MYCBP2: variants seen among roughly 807,000 people sequenced by gnomAD.
MYCBP2 encodes the protein E3 ubiquitin-protein ligase MYCBP2.
Under a neutral mutation model 525.3 loss-of-function variants are expected in MYCBP2, and 120 were observed. The ratio of observed to expected loss-of-function variants is 0.23; its 90% CI spans 0.20 to 0.27. The LOEUF is 0.27. Among genes scored for constraint, MYCBP2 ranks in the 10% least tolerant of loss-of-function variants. The probability of loss-of-function intolerance (pLI) is 1.00; values close to 1 mark genes in which losing one functional copy is unlikely to be tolerated. For missense variants in MYCBP2, 4,149 were observed against 5,657.1 expected, an observed-to-expected ratio of 0.73 and a Z score of 8.55; for synonymous variants, 1,894 against 1,955.8, an observed-to-expected ratio of 0.97 and a Z score of 0.83.
chr13:77,147,214 T>C (rs2055735128), intron 47 of MYCBP2, among the ~76,000 whole-genome samples: 1 of 152,046 alleles, frequency 6.6e-6, no homozygotes, highest in Admixed American at 6.6e-5. Context: ...CCTAAAAATA[T>C]ATACAGGAAT....
intron 3 of MYCBP2, among the ~76,000 whole-genome samples, chr13:77,280,301 A>G (rs1448409792): frequency 2.6e-5 from 4 of 152,224 alleles, no homozygotes; most frequent in Non-Finnish European, 5.9e-5. Context: ...TAGAGTTTCA[A>G]TTGATTAAAC....
chr13:77,300,144 G>A (rs912577213), intron 1 of MYCBP2, among the ~76,000 whole-genome samples: 8 of 152,118 alleles, frequency 5.3e-5, no homozygotes, highest in Admixed American at 2.6e-4. Context: ...CCTCTAAAAT[G>A]CTAAGATTTT....
intron 33 of MYCBP2, among the ~76,000 whole-genome samples, chr13:77,181,288 A>G (rs1402903236): frequency 6.6e-6 from 1 of 152,154 alleles, no homozygotes; most frequent in Non-Finnish European, 1.5e-5. Context: ...ATTTTAATAT[A>G]CCAAAGTGTT....
chr13:77,301,834 C>A (rs2078845336), intron 1 of MYCBP2, among the ~76,000 whole-genome samples: 1 of 151,956 alleles, frequency 6.6e-6, no homozygotes, highest in South Asian at 2.1e-4. Flanking sequence ...ATGCAATTGG[C>A]AATTTTCAAC....
rs2078216425 is a variant in MYCBP2 at position 77,296,628 on chromosome 13, T to C, written c.349A>G (p.Ser117Gly). 1 of 1,553,132 alleles carries C rather than the reference T, an allele frequency of 6.4e-7. No individual in the cohort carries two copies. Among genetic ancestry groups the C allele is most frequent in the African/African-American group, 1.4e-5 (1 of 72,386 alleles). The change falls in exon 2 of 83, where the codon AGC becomes GGC. Residue 117 changes from serine (S) to glycine (G), a missense_variant. Physicochemically the swap from Ser to Gly is moderately conservative, Grantham distance 56 (BLOSUM62 0). This residue lies in a region of MYCBP2 where 413 missense variants were observed against 451.2 expected (regional missense o/e 0.92). Transcript: ENST00000544440. The part of the protein sequence containing the change: ...NKKKLKRKQK[S>G]KSKVKTRSKS... The stretch of plus-strand genomic sequence containing the variant: ...CTTCTTGTCTTCACTTTTGATTTGC[T>C]CTTCTGTTTTCTTTTCAATTTCTTC...
At chr13:77,324,155 A>C (rs1342398409) in intron 1 of MYCBP2, among the ~76,000 whole-genome samples, 1 of 152,212 alleles carries the variant, frequency 6.6e-6, no homozygotes, top group African/African-American at 2.4e-5. Context: ...AAAAGTTATC[A>C]ATGACCTGAA....
chr13:77,117,372 GTT>G (rs2049962279), intron 55 of MYCBP2, among the ~76,000 whole-genome samples: 1 of 151,920 alleles, frequency 6.6e-6, no homozygotes, highest in South Asian at 2.1e-4. Context: ...ACCCAGAAAA[GTT>G]TATACTCTTG....
chr13:77,191,960 G>T, intron 27 of MYCBP2, 147 bp from the exon 28 acceptor site: 1 of 739,638 alleles, frequency 1.4e-6, no homozygotes, highest in Non-Finnish European at 2.2e-6. Context: ...ACTCTAAGAA[G>T]TCTGGACAAG....
chr13:77,229,334 T>C (rs1461844098), intron 18 of MYCBP2, among the ~76,000 whole-genome samples: 3 of 152,188 alleles, frequency 2.0e-5, no homozygotes, highest in Admixed American at 6.5e-5. Context: ...TCTTTGTCCA[T>C]CTTACAGATG....
At chr13:77,220,600 T>C (rs1285618750) in intron 20 of MYCBP2, among the ~76,000 whole-genome samples, 3 of 152,180 alleles carry the variant, frequency 2.0e-5, no homozygotes, top group East Asian at 1.9e-4. Flanking sequence ...AGCTCTTGAT[T>C]ACTAGAGACT....
chr13:77,225,583 A>T (rs766857906), intron 18 of MYCBP2, 29 bp from the exon 19 acceptor site: 8 of 1,610,560 alleles, frequency 5.0e-6, no homozygotes, highest in Non-Finnish European at 6.8e-6. Flanking sequence ...GTGAATTATG[A>T]TTAAGCCATT....
At position 77,165,380 on chromosome 13, in the gene MYCBP2, G is replaced by C. The variant is rs1224913569; in HGVS notation, c.6352C>G (p.Leu2118Val). Residue 2118 changes from leucine to valine, a missense_variant, in exon 42 of 83, where the codon CTT (leucine) becomes GTT (valine). Leu to Val is a conservative substitution (Grantham distance 32). Coordinates refer to ENST00000544440, the MANE Select transcript of MYCBP2 (RefSeq NM_015057.5). Reference protein sequence around the residue: ...MVLVLPGNEALFSLETASDYV... With the variant: ...MVLVLPGNEAVFSLETASDYV... ...TCTGATGCAGTCTCCAATGAAAAAAGGGCCTCATTTCCTAATAAAAATGCC... is the reference window on the plus strand; with the variant it reads ...TCTGATGCAGTCTCCAATGAAAAAACGGCCTCATTTCCTAATAAAAATGCC... 6.3e-7 allele frequency: 1 copy of C among 1,593,966 alleles called. No individual in the cohort carries two copies. The highest frequency in any genetic ancestry group is 1.8e-5 in the Admixed American group (1 of 54,698).
chr13:77,065,887 G>A (rs2040119549), intron 72 of MYCBP2, 105 bp downstream of exon 72: 2 of 679,198 alleles, frequency 2.9e-6, no homozygotes, highest in Admixed American at 2.6e-5. Flanking sequence ...TAGTCTTTAA[G>A]TAAAGTTACA....
At chr13:77,270,690 C>A in intron 5 of MYCBP2, 152 bp from the exon 6 acceptor site, 1 of 817,714 alleles carries the variant, frequency 1.2e-6, no homozygotes. Flanking sequence ...ACTAAAAGTT[C>A]ATCTATAAGA....
chr13:77,100,039 A>C (rs966336601), intron 55 of MYCBP2: 1 of 152,104 alleles, frequency 6.6e-6, no homozygotes, highest in Non-Finnish European at 1.5e-5. Context: ...GTTAGTTGTT[A>C]GGAGAAAAGC....
chr13:77,261,296 A>G lies in MYCBP2; in HGVS notation c.1727T>C (p.Ile576Thr), dbSNP rs1232382345. The change falls in exon 12 of 83, where the codon ATT becomes ACT. Residue 576 changes from isoleucine to threonine, a missense_variant. Ile to Thr is a moderately conservative substitution (Grantham distance 89, BLOSUM62 -1). Coordinates refer to ENST00000544440, the MANE Select transcript of MYCBP2 (RefSeq NM_015057.5). ...PSAGKWVELPITKSPKIVHFS... is the reference protein window; with the variant it reads ...PSAGKWVELPTTKSPKIVHFS... Reference sequence around the variant, plus strand: ...GTGTACTATCTTTGGAGATTTTGTAATTGGTAGCTCAACCCATTTTCCTGC... The same window carrying G: ...GTGTACTATCTTTGGAGATTTTGTAGTTGGTAGCTCAACCCATTTTCCTGC... The G allele has an allele frequency of 3.7e-6, 6 of 1,613,444 alleles. No homozygotes were observed. The highest frequency in any genetic ancestry group is 5.1e-6 in the Non-Finnish European group (6 of 1,179,726).
intron 1 of MYCBP2, among the ~76,000 whole-genome samples, chr13:77,304,977 T>C (rs1365947694): frequency 6.6e-6 from 1 of 151,906 alleles, no homozygotes. Context: ...ATCTGAATAG[T>C]CTTCTATATA....
chr13:77,149,278 T>C (rs1224128244), intron 47 of MYCBP2, among the ~76,000 whole-genome samples: 1 of 152,168 alleles, frequency 6.6e-6, no homozygotes, highest in African/African-American at 2.4e-5. Context: ...TAAATCAGTA[T>C]TTCTCAAAGT....
chr13:77,057,648 T>A (rs1291996154), intron 78 of MYCBP2, among the ~76,000 whole-genome samples: 1 of 152,142 alleles, frequency 6.6e-6, no homozygotes. Flanking sequence ...TATTTCCCCC[T>A]GGCTTCTGAA....
Sources: gnomAD v4.1 joint callset for allele counts (sites outside exome capture counted in the v4.1 genomes callset) on GRCh38, gnomAD v4.1.1 for gene constraint, gnomAD v4.1.1 regional missense constraint, MANE v1.5 for transcripts, NCBI Gene and HGNC (gene_info 2026-07-23, HGNC 2026-07-21) for gene names.